The following TTC39C variants were observed in gnomAD, a reference collection of about 807,000 sequenced individuals.
TTC39C encodes the protein tetratricopeptide repeat protein 39C.
TTC39C carries 33 observed loss-of-function variants against 76.3 expected under a neutral mutation model. The ratio of observed to expected loss-of-function variants is 0.43; its 90% CI spans 0.33 to 0.58. TTC39C has a LOEUF of 0.58. Among genes scored for constraint, TTC39C ranks in the 20% least tolerant of loss-of-function variants. TTC39C has a pLI of 0.04. For missense variants in TTC39C, 595 were observed against 701.4 expected, an observed-to-expected ratio of 0.85 and a Z score of 1.71; for synonymous variants, 254 against 260.6, an observed-to-expected ratio of 0.97 and a Z score of 0.24.
intron 1 of TTC39C, among the ~76,000 whole-genome samples, chr18:24,059,972 A>G (rs1482380290): frequency 6.6e-6 from 1 of 152,172 alleles, no homozygotes; most frequent in African/African-American, 2.4e-5. Context: ...TAAAACAATC[A>G]GATCTCATGA....
In TTC39C at chr18:23,996,357, C is replaced by T. The variant is rs183927781; in HGVS notation, c.-17+3319C>T. 3.3e-4 allele frequency among the ~76,000 whole-genome samples: 51 copies of T among 152,318 alleles called. No individual in the cohort carries two copies. The East Asian group carries it at 8.7e-3, about 26-fold the overall frequency. Reference sequence around the variant, plus strand: ...TTTGGGAAGCACTGCGTCATTATAACTTCTTTATATAGGTACACTCTAAAT... The same window carrying T: ...TTTGGGAAGCACTGCGTCATTATAATTTCTTTATATAGGTACACTCTAAAT... On this transcript the variant is annotated intron_variant, in intron 1 of 13. Transcript: ENST00000304621.
chr18:24,098,680 T>A (rs1420442838), intron 6 of TTC39C, among the ~76,000 whole-genome samples: 1 of 151,234 alleles, frequency 6.6e-6, no homozygotes, highest in East Asian at 1.9e-4. Context: ...TCACCCAGGC[T>A]GGAGTGCAGT....
chr18:24,114,645 T>C lies in TTC39C; in HGVS notation c.1076T>C (p.Ile359Thr). The C allele has an allele frequency of 6.2e-7, 1 of 1,608,000 alleles. No individual in the cohort carries two copies. Among genetic ancestry groups the C allele is most frequent in the Non-Finnish European group, 8.5e-7 (1 of 1,174,750 alleles). Residue 359 changes from isoleucine to threonine, a missense_variant and splice_region_variant, in exon 7 of 14, where the codon ATT (isoleucine) becomes ACT (threonine). Transcript: ENST00000317571. ...REIQHVCLYE[I>T]GWCSMIELNF... ...ATTCAACATGTCTGTCTGTATGAAA[T>C]TGGTAAATATGAAATGTCTGTCCAG...
intron 8 of TTC39C, among the ~76,000 whole-genome samples, chr18:24,121,385 C>G (rs1168202021): frequency 6.6e-6 from 1 of 152,004 alleles, no homozygotes; most frequent in South Asian, 2.1e-4. Flanking sequence ...CCAGCCCGAC[C>G]AACAACCAAC....
Position 24,130,433 on chromosome 18 carries a change from T to C in TTC39C, c.1623+16T>C. On this transcript the variant is annotated intron_variant, in intron 12 of 13. Transcript: ENST00000317571. ...CAAACCAGAGGTAAGATCTTATATATATAATATAATATATATTTTTAATGT... is the reference window on the plus strand; with the variant it reads ...CAAACCAGAGGTAAGATCTTATATACATAATATAATATATATTTTTAATGT... 1.0e-6 allele frequency: 1 copy of C among 964,214 alleles called. No individual in the cohort carries two copies. The allele number at this position is 964,214 out of a possible 1,614,324, so 59.7% of individuals were successfully genotyped here. A position where few individuals can be genotyped will look rare whatever the true frequency, so the allele number is the denominator to read the frequency against.
At chr18:24,103,337 T>C (rs762891247) in intron 6 of TTC39C, among the ~76,000 whole-genome samples, 1 of 152,218 alleles carries the variant, frequency 6.6e-6, no homozygotes, top group Non-Finnish European at 1.5e-5. Context: ...GTCTTCTAAA[T>C]AGTCATTCAC....
chr18:24,094,070 C>T (rs1400386753), intron 6 of TTC39C, among the ~76,000 whole-genome samples: 1 of 152,226 alleles, frequency 6.6e-6, no homozygotes, highest in Non-Finnish European at 1.5e-5. Context: ...TTCTCTCAAA[C>T]CTTACCACTG....
chr18:24,024,913 G>A lies in TTC39C; in HGVS notation c.167+9875G>A, dbSNP rs533205831. Among the ~76,000 whole-genome samples the A allele has an allele frequency of 4.1e-4, 62 of 152,302 alleles. 1 individual carries two copies. The South Asian group carries it at 0.013, about 32-fold the overall frequency. ...TTTGACAGTCTCACTGTATCTCCCAGGCTGGAGTGCAGTGGCATGATCTCA... is the reference window on the plus strand; with the variant it reads ...TTTGACAGTCTCACTGTATCTCCCAAGCTGGAGTGCAGTGGCATGATCTCA... On this transcript the variant is annotated intron_variant, in intron 1 of 13. Coordinates refer to ENST00000317571, the MANE Select transcript of TTC39C (RefSeq NM_001135993.2).
At chr18:24,110,020 C>T (rs755233370) in intron 6 of TTC39C, among the ~76,000 whole-genome samples, 9 of 151,978 alleles carry the variant, frequency 5.9e-5, no homozygotes, top group Non-Finnish European at 1.3e-4. Context: ...CAAAAAAAAC[C>T]ACGAAATTTT....
intron 11 of TTC39C, among the ~76,000 whole-genome samples, chr18:24,129,952 G>T (rs541171114): frequency 6.6e-6 from 1 of 152,098 alleles, no homozygotes; most frequent in Non-Finnish European, 1.5e-5. Context: ...CAGTCAAGAC[G>T]CATGTCGAGA....
intron 1 of TTC39C, among the ~76,000 whole-genome samples, chr18:24,051,023 G>C (rs752177929): frequency 1.3e-5 from 2 of 152,164 alleles, no homozygotes; most frequent in Non-Finnish European, 2.9e-5. Context: ...ATCAGTCAGA[G>C]CAATAGTCCG....
At chr18:24,102,417 T>C (rs2084688397) in intron 6 of TTC39C, among the ~76,000 whole-genome samples, 1 of 152,222 alleles carries the variant, frequency 6.6e-6, no homozygotes, top group Non-Finnish European at 1.5e-5. Flanking sequence ...TGAAAGGTCT[T>C]CTGAGGATGA....
intron 1 of TTC39C, among the ~76,000 whole-genome samples, chr18:24,043,557 G>A (rs774682393): frequency 2.2e-4 from 33 of 152,226 alleles, no homozygotes; most frequent in Non-Finnish European, 4.1e-4. Flanking sequence ...TGCCCCATGG[G>A]AGGCAGGGCG....
chr18:24,069,433 T>A (rs2084209438), intron 4 of TTC39C, among the ~76,000 whole-genome samples, 162 bp downstream of exon 4: 1 of 152,194 alleles, frequency 6.6e-6, no homozygotes, highest in Non-Finnish European at 1.5e-5. Context: ...CACAAGTGTT[T>A]AATGTGTGTT....
intron 6 of TTC39C, among the ~76,000 whole-genome samples, chr18:24,109,200 T>TAAAAAAAAAAAAAAAAAAAAAAA (rs1599333991): frequency 1.9e-5 from 2 of 105,790 alleles, no homozygotes; most frequent in African/African-American, 9.9e-5. Flanking sequence ...AAAAAAAAAG[T>TAAAAAAAAAAAAAAAAAAAAAAA]TAAAAAATTA....
intron 3 of TTC39C, among the ~76,000 whole-genome samples, chr18:24,067,827 A>T (rs1009941597): frequency 6.6e-6 from 1 of 152,152 alleles, no homozygotes; most frequent in Non-Finnish European, 1.5e-5. Context: ...CTCACCAGCC[A>T]TTGCCATTAT....
At chr18:24,130,558 G>C (rs2085113546) in intron 12 of TTC39C, 141 bp downstream of exon 12, 1 of 258,194 alleles carries the variant, frequency 3.9e-6, no homozygotes, top group Non-Finnish European at 7.0e-6. Flanking sequence ...GTTTTACTTA[G>C]AATGAATCCA....
intron 1 of TTC39C, among the ~76,000 whole-genome samples, chr18:24,022,331 G>T (rs1008846880): frequency 6.6e-6 from 1 of 152,082 alleles, no homozygotes; most frequent in Non-Finnish European, 1.5e-5. Flanking sequence ...CCCCAGCCTT[G>T]CCTGAACTTT....
chr18:24,081,072 C>G (rs2084370448), intron 5 of TTC39C, 133 bp downstream of exon 5: 2 of 756,578 alleles, frequency 2.6e-6, no homozygotes, highest in South Asian at 1.9e-5. Flanking sequence ...TTATGTCTTT[C>G]AATGCAACAC....
Sources: gnomAD v4.1 joint callset for allele counts (sites outside exome capture counted in the v4.1 genomes callset) on GRCh38, gnomAD v4.1.1 for gene constraint, MANE v1.5 for transcripts, NCBI Gene and HGNC (gene_info 2026-07-23, HGNC 2026-07-21) for gene names.